The following TOGARAM2 variants were observed in gnomAD, a reference collection of about 807,000 sequenced individuals.
TOGARAM2 encodes the protein TOG array regulator of axonemal microtubules protein 2.
In TOGARAM2, 85 loss-of-function variants were observed where a neutral mutation model predicts 93.3. That is an observed-to-expected ratio of 0.91 (90% CI 0.76 to 1.09). TOGARAM2 has a LOEUF of 1.09. Ranked by LOEUF, TOGARAM2 falls within the 50% of genes least tolerant of loss-of-function variation. The probability of loss-of-function intolerance (pLI) is 0.00; values close to 1 mark genes in which losing one functional copy is unlikely to be tolerated. For synonymous variants in TOGARAM2, 593 were observed against 552.8 expected, an observed-to-expected ratio of 1.07 and a Z score of -1.02; for missense variants, 1,277 against 1,334.5, an observed-to-expected ratio of 0.96 and a Z score of 0.67.
At chr2:28,970,679 G>T (rs1334520685) in intron 1 of TOGARAM2, among the ~76,000 whole-genome samples, 1 of 152,160 alleles carries the variant, frequency 6.6e-6, no homozygotes, top group Non-Finnish European at 1.5e-5. Context: ...GCCCAGGGTG[G>T]ACTCCCAGGA....
At chr2:28,988,922 C>T (rs1407328089) in intron 1 of TOGARAM2, among the ~76,000 whole-genome samples, 3 of 152,232 alleles carry the variant, frequency 2.0e-5, no homozygotes, top group Non-Finnish European at 2.9e-5. Context: ...CTGGCGCCAA[C>T]TCCCCTGGCC....
chr2:28,976,529 C>T (rs914713260), upstream of TOGARAM2, among the ~76,000 whole-genome samples: 2 of 152,200 alleles, frequency 1.3e-5, no homozygotes, highest in Admixed American at 6.5e-5. Context: ...TTCTCTGACA[C>T]GTCCTTTTGT....
intron 1 of TOGARAM2, among the ~76,000 whole-genome samples, chr2:28,985,953 CA>C (rs1368883640): frequency 6.6e-6 from 1 of 151,692 alleles, no homozygotes; most frequent in South Asian, 2.1e-4. Flanking sequence ...ATAATACACA[CA>C]AAAAAATAAC....
chr2:28,981,281 G>A (rs1672178453), upstream of TOGARAM2: 1 of 152,294 alleles, frequency 6.6e-6, no homozygotes, highest in African/African-American at 2.4e-5. Flanking sequence ...TTCAGCGAGT[G>A]GTTGCTATGC....
chr2:28,957,269 C>T (rs1671732450), intron 1 of TOGARAM2, among the ~76,000 whole-genome samples: 1 of 151,900 alleles, frequency 6.6e-6, no homozygotes, highest in African/African-American at 2.4e-5. Context: ...GATTTCGGCT[C>T]ACTGCAACTT....
intron 19 of TOGARAM2, chr2:29,048,374 A>G (rs1400088503): frequency 6.6e-6 from 1 of 152,120 alleles, no homozygotes; most frequent in East Asian, 1.9e-4. Flanking sequence ...CACAACATAA[A>G]ATGTACCACC....
intron 18 of TOGARAM2, among the ~76,000 whole-genome samples, chr2:29,039,812 C>A (rs1666325956): frequency 6.6e-6 from 1 of 152,214 alleles, no homozygotes; most frequent in Admixed American, 6.5e-5. Context: ...CTGAGTAGAA[C>A]TGGTTGGCTC....
chr2:28,995,002 C>T (rs775114716), intron 2 of TOGARAM2, 140 bp downstream of exon 2: 12 of 974,698 alleles, frequency 1.2e-5, no homozygotes, highest in Admixed American at 2.1e-5. Context: ...CGTGCCTTTC[C>T]AGCCCTGGCC....
At position 29,011,459 on chromosome 2, in the gene TOGARAM2, G is replaced by T. The variant is rs776274140; in HGVS notation, c.835G>T (p.Ala279Ser). The change falls in exon 7 of 20, where the codon GCT becomes TCT. Residue 279 changes from alanine (A) to serine (S), a missense_variant. Transcript: ENST00000379558. ...TCTCTCCCCCGTTCTTTTAAGATTGGCTCGGGGGAGTGGGCCTCGGGAGAA... is the reference window on the plus strand; with the variant it reads ...TCTCTCCCCCGTTCTTTTAAGATTGTCTCGGGGGAGTGGGCCTCGGGAGAA... ...TGLRAPRTRLARGSGPREKTP... is the reference protein window; with the variant it reads ...TGLRAPRTRLSRGSGPREKTP... 5.6e-6 allele frequency: 9 copies of T among 1,609,328 alleles called. No individual in the cohort carries two copies. Among genetic ancestry groups the T allele is most frequent in the Non-Finnish European group, 7.6e-6 (9 of 1,178,216 alleles).
In TOGARAM2 at chr2:29,022,183, G is replaced by A. The variant is rs527747733; in HGVS notation, c.1386G>A (p.Thr462=). The stretch of plus-strand genomic sequence containing the variant: ...CTAACTCATTACCTGCGGTGCTCAC[G>A]TTGGGGTCTCCTGAATGGGAAGAAG... The part of the protein sequence containing the change: ...ASANSLPAVL[T]LGSPEWEEEE... The change falls in exon 11 of 20, where the codon ACG becomes ACA. Residue 462 remains threonine (T), a synonymous_variant. Transcript: ENST00000379558. 34 of 1,614,038 alleles carry A rather than the reference G, an allele frequency of 2.1e-5. 1 individual carries two copies. In the African/African-American group the frequency reaches 2.1e-4, roughly 10 times the overall value.
chr2:28,984,412 A>C (rs926285669), intron 1 of TOGARAM2, among the ~76,000 whole-genome samples: 4 of 152,178 alleles, frequency 2.6e-5, no homozygotes, highest in African/African-American at 9.7e-5. Context: ...AGCTTCTTGC[A>C]GGGAGGCCTT....
chr2:28,989,252 T>C (rs1572639905), intron 1 of TOGARAM2, among the ~76,000 whole-genome samples: 1 of 152,142 alleles, frequency 6.6e-6, no homozygotes, highest in Admixed American at 6.5e-5. Flanking sequence ...GGTTTTGCCA[T>C]GTTGGCCAGG....
chr2:28,963,234 A>C (rs1327786669), intron 1 of TOGARAM2, among the ~76,000 whole-genome samples: 1 of 152,206 alleles, frequency 6.6e-6, no homozygotes, highest in East Asian at 1.9e-4. Flanking sequence ...GTTTCCAAAT[A>C]TATGAGGATT....
At chr2:29,003,790 G>C (rs1228221501) in intron 6 of TOGARAM2, 108 bp downstream of exon 6, 1 of 1,086,424 alleles carries the variant, frequency 9.2e-7, no homozygotes, top group African/African-American at 1.6e-5. Flanking sequence ...AGAGTTCTTG[G>C]GACACCAGGC....
rs145856602 is a variant in TOGARAM2 at position 29,017,502 on chromosome 2, G to A, written c.1195+198G>A. Among the ~76,000 whole-genome samples, 12 of 152,250 alleles carry A rather than the reference G, an allele frequency of 7.9e-5. No homozygotes were observed. The East Asian group carries it at 2.3e-3, about 29-fold the overall frequency. ...GCTCACCACAGCCTCAAACTCTTGG[G>A]CTCAAGGGATCCTCCCACCTCAGCC... On this transcript the variant is annotated intron_variant, in intron 9 of 19. Transcript: ENST00000379558.
chr2:29,016,933 C>T (rs1419069382), intron 8 of TOGARAM2, among the ~76,000 whole-genome samples: 1 of 152,254 alleles, frequency 6.6e-6, no homozygotes, highest in Non-Finnish European at 1.5e-5. Flanking sequence ...ACTATCATCT[C>T]TGTCTCCTTA....
chr2:29,033,674 C>A, intron 16 of TOGARAM2, 111 bp downstream of exon 16: 1 of 913,808 alleles, frequency 1.1e-6, no homozygotes. Context: ...TCTGGGGTAT[C>A]GCTGAGACCT....
At position 29,026,920 on chromosome 2, in the gene TOGARAM2, G is replaced by C. The variant is rs763334798; in HGVS notation, c.1921G>C (p.Ala641Pro). Residue 641 changes from alanine (A) to proline (P), a missense_variant, in exon 14 of 20, where the codon GCT becomes CCT. Transcript: ENST00000379558. ...CTCAGCTGTGCTGGAGCAGATCGGC[G>C]CTGAGAAGCTTCTCTCGGGCACCAG... is the stretch of plus-strand genomic sequence containing the variant. ...HLSAVLEQIGAEKLLSGTRDS... is the reference protein window; with the variant it reads ...HLSAVLEQIGPEKLLSGTRDS... The C allele has an allele frequency of 6.3e-7, 1 of 1,585,338 alleles. No homozygotes were observed. Among genetic ancestry groups the C allele is most frequent in the Non-Finnish European group, 8.6e-7 (1 of 1,165,900 alleles).
At chr2:29,029,722 C>G (rs371674718) in intron 14 of TOGARAM2, among the ~76,000 whole-genome samples, 9 of 145,800 alleles carry the variant, frequency 6.2e-5, no homozygotes, top group East Asian at 1.9e-4. Flanking sequence ...CGCCACTGCA[C>G]TCCAGCCTGG....
Sources: gnomAD v4.1 joint callset for allele counts (sites outside exome capture counted in the v4.1 genomes callset) on GRCh38, gnomAD v4.1.1 for gene constraint, MANE v1.5 for transcripts, NCBI Gene and HGNC (gene_info 2026-07-23, HGNC 2026-07-21) for gene names.